Variants in IMMP2L observed in about 807,000 individuals in gnomAD.
The protein encoded by IMMP2L is inner mitochondrial membrane peptidase subunit 2.
Under a neutral mutation model 19.3 loss-of-function variants are expected in IMMP2L, and 18 were observed. The observed-to-expected ratio is 0.93, with a 90% CI of 0.64 to 1.38. IMMP2L has a LOEUF of 1.38. Among genes scored for constraint, IMMP2L ranks in the 40% most tolerant of loss-of-function variants. The pLI, the probability that IMMP2L is intolerant of heterozygous loss-of-function variation, is 0.00. For missense variants in IMMP2L, 233 were observed against 218.2 expected (o/e 1.07, Z -0.43); for synonymous variants, 76 against 73.0 (o/e 1.04, Z -0.21).
At chr7:111,371,860 T>C (rs1406443430) in intron 3 of IMMP2L, among the ~76,000 whole-genome samples, 3 of 152,116 alleles carry the variant, frequency 2.0e-5, no homozygotes, top group Admixed American at 2.0e-4. Context: ...AATAAAATAT[T>C]GTGAAAACAC....
chr7:111,003,775 G>T (rs890105565), intron 3 of IMMP2L, among the ~76,000 whole-genome samples: 15 of 151,764 alleles, frequency 9.9e-5, no homozygotes, highest in Non-Finnish European at 1.5e-5. Flanking sequence ...GCCTCCCAAA[G>T]TGCTGGAATT....
At chr7:110,722,097 C>G (rs928598276) in intron 5 of IMMP2L, among the ~76,000 whole-genome samples, 6 of 151,940 alleles carry the variant, frequency 3.9e-5, no homozygotes, top group Non-Finnish European at 8.8e-5. Context: ...TGAAAGAAGA[C>G]ATTTCCAGGA....
At chr7:111,003,211 C>G (rs1393988245) in intron 3 of IMMP2L, among the ~76,000 whole-genome samples, 4 of 151,980 alleles carry the variant, frequency 2.6e-5, no homozygotes, top group African/African-American at 9.7e-5. Context: ...TTTGCTTGCC[C>G]TGACTTTTCT....
At chr7:110,677,322 G>T (rs1792382375) in intron 5 of IMMP2L, among the ~76,000 whole-genome samples, 2 of 152,070 alleles carry the variant, frequency 1.3e-5, no homozygotes, top group African/African-American at 4.8e-5. Flanking sequence ...TTATCAAAAA[G>T]ATATTTTTTA....
intron 3 of IMMP2L, among the ~76,000 whole-genome samples, chr7:111,144,591 T>TA (rs1473516588): frequency 2.0e-5 from 3 of 152,074 alleles, no homozygotes; most frequent in African/African-American, 4.8e-5. Flanking sequence ...CCAAAATACT[T>TA]ACGCTTATTT....
intron 3 of IMMP2L, among the ~76,000 whole-genome samples, chr7:111,085,145 T>C (rs569004344): frequency 1.3e-5 from 2 of 151,474 alleles, no homozygotes; most frequent in Admixed American, 6.6e-5. Flanking sequence ...GAGAAAAAAA[T>C]TTGTCTCATT....
intron 3 of IMMP2L, among the ~76,000 whole-genome samples, chr7:111,236,531 T>C (rs543665565): frequency 2.6e-5 from 4 of 152,284 alleles, no homozygotes; most frequent in South Asian, 4.1e-4. Context: ...TGAAAACTAT[T>C]CCCTGTGTTC....
At chr7:110,688,374 A>T (rs1222973239) in intron 5 of IMMP2L, among the ~76,000 whole-genome samples, 1 of 152,168 alleles carries the variant, frequency 6.6e-6, no homozygotes, top group Non-Finnish European at 1.5e-5. Context: ...CAAAACAGAC[A>T]GCTAGGAACA....
intron 5 of IMMP2L, among the ~76,000 whole-genome samples, chr7:110,693,943 T>A (rs549444348): frequency 6.6e-6 from 1 of 152,220 alleles, no homozygotes; most frequent in South Asian, 2.1e-4. Context: ...AGGCCATGTG[T>A]TGGTGATGGA....
intron 3 of IMMP2L, among the ~76,000 whole-genome samples, chr7:111,177,812 G>T (rs1807243200): frequency 6.6e-6 from 1 of 152,000 alleles, no homozygotes; most frequent in South Asian, 2.1e-4. Context: ...ACAGGAAGAT[G>T]GGGTTGGCAG....
chr7:111,407,310 A>C (rs1008848738), intron 3 of IMMP2L, among the ~76,000 whole-genome samples: 2 of 151,958 alleles, frequency 1.3e-5, no homozygotes, highest in African/African-American at 4.8e-5. Flanking sequence ...ATACCTAGAA[A>C]TCTGCCTAAG....
chr7:111,496,736 TGA>T (rs745493575), intron 2 of IMMP2L, among the ~76,000 whole-genome samples: 13 of 152,166 alleles, frequency 8.5e-5, no homozygotes, highest in Non-Finnish European at 1.3e-4. Context: ...GGCCTTGGAC[TGA>T]GAGTTATACC....
chr7:110,761,438 G>C (rs889050095), intron 5 of IMMP2L, among the ~76,000 whole-genome samples: 1 of 152,042 alleles, frequency 6.6e-6, no homozygotes, highest in Non-Finnish European at 1.5e-5. Context: ...ATTTAGGCTG[G>C]TTATAAGAAA....
intron 3 of IMMP2L, among the ~76,000 whole-genome samples, chr7:111,421,493 C>G (rs1396224138): frequency 6.6e-6 from 1 of 150,664 alleles, no homozygotes; most frequent in Non-Finnish European, 1.5e-5. Flanking sequence ...AGGATGGTCT[C>G]GATCTCCTGA....
chr7:111,242,445 C>T (rs1424533387), intron 3 of IMMP2L, among the ~76,000 whole-genome samples: 1 of 152,036 alleles, frequency 6.6e-6, no homozygotes, highest in African/African-American at 2.4e-5. Context: ...CAAAAGAGAA[C>T]TACATCACAA....
At chr7:111,153,303 ATT>A (rs1804277860) in intron 3 of IMMP2L, among the ~76,000 whole-genome samples, 1 of 152,076 alleles carries the variant, frequency 6.6e-6, no homozygotes, top group South Asian at 2.1e-4. Flanking sequence ...ACTAAAGTTA[ATT>A]TTTTGTTTTA....
intron 5 of IMMP2L, among the ~76,000 whole-genome samples, chr7:110,782,759 G>A (rs1799821806): frequency 6.6e-6 from 1 of 151,838 alleles, no homozygotes; most frequent in African/African-American, 2.4e-5. Context: ...TTTGCTTAGA[G>A]GTCAATTAAA....
intron 3 of IMMP2L, among the ~76,000 whole-genome samples, chr7:111,348,188 A>C (rs916788011): frequency 3.3e-5 from 5 of 151,340 alleles, no homozygotes; most frequent in Non-Finnish European, 7.4e-5. Context: ...ACCTAATGTA[A>C]ATGATGAGTT....
intron 3 of IMMP2L, among the ~76,000 whole-genome samples, chr7:111,069,846 A>G (rs552882762): frequency 2.6e-5 from 4 of 152,302 alleles, no homozygotes; most frequent in African/African-American, 4.8e-5. Flanking sequence ...TATGCTATTG[A>G]ACAAGTTTCC....
Sources: gnomAD v4.1 joint callset for allele counts (sites outside exome capture counted in the v4.1 genomes callset) on GRCh38, gnomAD v4.1.1 for gene constraint, MANE v1.5 for transcripts, NCBI Gene and HGNC (gene_info 2026-07-23, HGNC 2026-07-21) for gene names.